The following ASIC2 variants were observed in gnomAD, a reference collection of about 807,000 sequenced individuals.
ASIC2 encodes acid-sensing ion channel 2.
ASIC2 carries 25 observed loss-of-function variants against 57.3 expected under a neutral mutation model. The ratio of observed to expected loss-of-function variants is 0.44; its 90% CI spans 0.32 to 0.61. The LOEUF (loss-of-function observed/expected upper bound fraction) is 0.61. ASIC2 is among the 20% of genes least tolerant of loss of function. ASIC2 has a pLI of 0.06. For missense variants in ASIC2, 641 were observed against 738.1 expected (o/e 0.87, Z 1.52); for synonymous variants, 319 against 307.5 (o/e 1.04, Z -0.39).
chr17:33,436,352 G>T (rs933453536), intron 1 of ASIC2, among the ~76,000 whole-genome samples: 1 of 152,162 alleles, frequency 6.6e-6, no homozygotes, highest in Non-Finnish European at 1.5e-5. Flanking sequence ...TGTGGCCAGA[G>T]GTCACAAGAT....
At chr17:33,184,548 T>G (rs1906111822) in intron 1 of ASIC2, among the ~76,000 whole-genome samples, 1 of 152,196 alleles carries the variant, frequency 6.6e-6, no homozygotes, top group Non-Finnish European at 1.5e-5. Context: ...CAAATGTGAC[T>G]ACTGAACCTG....
At chr17:33,748,330 T>C (rs764506196) in intron 1 of ASIC2, among the ~76,000 whole-genome samples, 13 of 152,176 alleles carry the variant, frequency 8.5e-5, no homozygotes, top group Admixed American at 6.5e-5. Context: ...CAAACTCTGG[T>C]CCTTTCACCT....
intron 1 of ASIC2, among the ~76,000 whole-genome samples, chr17:33,597,645 T>C (rs1369820365): frequency 6.6e-6 from 1 of 152,200 alleles, no homozygotes; most frequent in East Asian, 1.9e-4. Context: ...ACAATAATCC[T>C]AGCGGTAAAG....
chr17:33,324,102 G>A (rs1218144390), intron 1 of ASIC2, among the ~76,000 whole-genome samples: 2 of 152,174 alleles, frequency 1.3e-5, no homozygotes, highest in African/African-American at 4.8e-5. Flanking sequence ...AAAAGATCTC[G>A]ATGGTGAACT....
At chr17:33,494,710 C>A (rs576651055) in intron 1 of ASIC2, among the ~76,000 whole-genome samples, 1 of 152,344 alleles carries the variant, frequency 6.6e-6, no homozygotes, top group African/African-American at 2.4e-5. Context: ...AAACTTAAGC[C>A]TGTGAAAACA....
intron 1 of ASIC2, among the ~76,000 whole-genome samples, chr17:33,675,278 T>A (rs1567685938): frequency 6.6e-6 from 1 of 152,202 alleles, no homozygotes; most frequent in Non-Finnish European, 1.5e-5. Flanking sequence ...CCAGCTGGAT[T>A]TGGGCATAGG....
intron 1 of ASIC2, among the ~76,000 whole-genome samples, chr17:33,905,141 CTT>C (rs57064859): frequency 0.056 from 4,911 of 87,662 alleles, 233 homozygotes; most frequent in African/African-American, 0.2. Context: ...TAGTTTAAGG[CTT>C]TTTTTTTTTT....
chr17:33,575,560 TA>T (rs1253616521), intron 1 of ASIC2, among the ~76,000 whole-genome samples: 1 of 152,190 alleles, frequency 6.6e-6, no homozygotes, highest in East Asian at 1.9e-4. Flanking sequence ...TTTGAAGAGT[TA>T]CTCAGGCCTA....
chr17:33,753,222 A>G (rs1440905562), intron 1 of ASIC2, among the ~76,000 whole-genome samples: 1 of 152,236 alleles, frequency 6.6e-6, no homozygotes, highest in Non-Finnish European at 1.5e-5. Context: ...TACATACCGT[A>G]TGATTCCAGC....
At chr17:33,397,305 A>G (rs1041815540) in intron 1 of ASIC2, among the ~76,000 whole-genome samples, 1 of 152,198 alleles carries the variant, frequency 6.6e-6, no homozygotes, top group Admixed American at 6.5e-5. Context: ...CTCACCTAGC[A>G]CTTTGCATGA....
intron 1 of ASIC2, among the ~76,000 whole-genome samples, chr17:33,391,045 CACA>C (rs1387329236): frequency 2.0e-5 from 3 of 152,200 alleles, no homozygotes; most frequent in African/African-American, 7.2e-5. Flanking sequence ...GTATAGCCTC[CACA>C]ACATCTCTAA....
At chr17:34,018,420 C>A (rs1285035281) in intron 1 of ASIC2, among the ~76,000 whole-genome samples, 1 of 152,170 alleles carries the variant, frequency 6.6e-6, no homozygotes, top group Non-Finnish European at 1.5e-5. Context: ...TTCATGCCTG[C>A]TAACACAACA....
chr17:33,929,443 A>G (rs956494040), intron 1 of ASIC2, among the ~76,000 whole-genome samples: 2 of 152,238 alleles, frequency 1.3e-5, no homozygotes, highest in African/African-American at 4.8e-5. Context: ...CAGTTAATTC[A>G]ACGTTCACCA....
At chr17:33,531,812 G>A (rs1456311732) in intron 1 of ASIC2, among the ~76,000 whole-genome samples, 3 of 152,094 alleles carry the variant, frequency 2.0e-5, no homozygotes, top group Non-Finnish European at 2.9e-5. Flanking sequence ...TGAGGTGCTC[G>A]AGGTTGGGAA....
chr17:33,512,419 C>T (rs1237871808), intron 1 of ASIC2, among the ~76,000 whole-genome samples: 3 of 152,184 alleles, frequency 2.0e-5, no homozygotes, highest in Non-Finnish European at 4.4e-5. Flanking sequence ...CATCAGTTGT[C>T]CTTGATCTTA....
intron 1 of ASIC2, among the ~76,000 whole-genome samples, chr17:33,367,751 A>G (rs939541024): frequency 6.6e-6 from 1 of 152,220 alleles, no homozygotes; most frequent in Non-Finnish European, 1.5e-5. Flanking sequence ...ACCATTGTTA[A>G]CAAGGACCAC....
chr17:33,045,299 G>A (rs1017308882), intron 3 of ASIC2, among the ~76,000 whole-genome samples: 8 of 152,304 alleles, frequency 5.3e-5, no homozygotes, highest in South Asian at 2.1e-4. Flanking sequence ...CAAGAAGAGT[G>A]TTTTCAGTGT....
At position 33,256,839 on chromosome 17, in the gene ASIC2, A is replaced by T. The variant is rs1490310077; in HGVS notation, c.708+34569T>A. Among the ~76,000 whole-genome samples the T allele has an allele frequency of 2.6e-5, 4 of 152,220 alleles. No homozygotes were observed. In the East Asian group the frequency reaches 7.7e-4, roughly 29 times the overall value. On this transcript the variant is annotated intron_variant, in intron 1 of 9. Transcript: ENST00000225823. ...AGAGTGAGACTCCATCTCAAAAAAA[A>T]AATTACTGTAAGAGAAAAGCTGTTT...
At chr17:33,622,548 C>CA (rs1905835613) in intron 1 of ASIC2, among the ~76,000 whole-genome samples, 2 of 152,126 alleles carry the variant, frequency 1.3e-5, no homozygotes, top group Admixed American at 1.3e-4. Context: ...GTTTTGCTGT[C>CA]AGACAGTCTG....
Sources: allele counts gnomAD v4.1 joint callset (sites outside exome capture counted in the v4.1 genomes callset), GRCh38; gene constraint gnomAD v4.1.1; transcripts MANE v1.5; gene names NCBI Gene and HGNC (gene_info 2026-07-23, HGNC 2026-07-21).